TNFRSF13B: variants seen among roughly 807,000 people sequenced by gnomAD.
TNFRSF13B encodes the protein TNF receptor superfamily member 13B, also known as tumor necrosis factor receptor superfamily member 13B.
A neutral mutation model predicts 24.0 loss-of-function variants in TNFRSF13B; 34 were observed. The ratio of observed to expected loss-of-function variants is 1.41; its 90% CI spans 1.08 to 1.88. The LOEUF is 1.88. Ranked by LOEUF, TNFRSF13B falls within the 40% of genes most tolerant of loss-of-function variation. The probability of loss-of-function intolerance (pLI) is 0.00; values close to 1 mark genes in which losing one functional copy is unlikely to be tolerated. For missense variants in TNFRSF13B, 415 were observed against 380.8 expected, an observed-to-expected ratio of 1.09 and a Z score of -0.75; for synonymous variants, 173 against 150.3, an observed-to-expected ratio of 1.15 and a Z score of -1.10.
At chr17:16,939,911 C>A in intron 4 of TNFRSF13B, 114 bp from the exon 5 acceptor site, 1 of 1,374,872 alleles carries the variant, frequency 7.3e-7, no homozygotes, top group Non-Finnish European at 9.6e-7. Flanking sequence ...CAATCACCAG[C>A]GTAGAACGCC....
intron 1 of TNFRSF13B, among the ~76,000 whole-genome samples, chr17:16,967,750 T>TTAAAAAAAAAAAAAAAAAAAAAAAA (rs1567657162): frequency 1.0e-4 from 2 of 19,380 alleles, no homozygotes; most frequent in African/African-American, 5.3e-4. Flanking sequence ...AGACTCCGTC[T>TTAAAAAAAAAAAAAAAAAAAAAAAA]CAAAAAAAAA....
intron 3 of TNFRSF13B, among the ~76,000 whole-genome samples, chr17:16,947,213 T>C (rs2087555891): frequency 6.6e-6 from 1 of 152,180 alleles, no homozygotes; most frequent in African/African-American, 2.4e-5. Flanking sequence ...CAAGATGGAT[T>C]ACAGATTTAA....
chr17:16,948,801 T>G lies in TNFRSF13B; in HGVS notation c.382A>C (p.Asn128His), dbSNP rs1268053274. Residue 128 changes from asparagine to histidine, a missense_variant, in exon 3 of 5, where the codon AAC becomes CAC. Transcript: ENST00000261652. ...LRRQRSGEVE[N>H]NSDNSGRYQG... ...TACCTTCCCGAGTTGTCTGAATTGT[T>G]TTCAACTTCTCCACTCCGCTGTCTC... 1 of 1,614,248 alleles carries G rather than the reference T, an allele frequency of 6.2e-7. No homozygotes were observed. The highest frequency in any genetic ancestry group is 8.5e-7 in the Non-Finnish European group (1 of 1,180,048).
intron 3 of TNFRSF13B, chr17:16,941,376 G>A: frequency 1.0e-6 from 1 of 987,662 alleles, no homozygotes; most frequent in Non-Finnish European, 1.2e-6. Flanking sequence ...TCCAGGTTTG[G>A]ATGCCAGAGA....
intron 1 of TNFRSF13B, 100 bp from the exon 2 acceptor site, chr17:16,952,683 A>C (rs2087598310): frequency 6.4e-7 from 1 of 1,563,610 alleles, no homozygotes; most frequent in Non-Finnish European, 8.7e-7. Flanking sequence ...ACATTCGCAC[A>C]GACAACCTTT....
chr17:16,949,677 A>G lies in TNFRSF13B; in HGVS notation c.200-694T>C, dbSNP rs906604750. ...CAATTATCTTATCTAAAGTCTCAGA[A>G]TATTTCTAATTTTTTTTTTTTTTTT... On this transcript the variant is annotated intron_variant, in intron 2 of 4. Transcript: ENST00000261652. Among the ~76,000 whole-genome samples, 3 of 150,894 alleles carry G rather than the reference A, an allele frequency of 2.0e-5. No individual in the cohort carries two copies. The Admixed American group carries it at 2.0e-4, about 10-fold the overall frequency.
intron 2 of TNFRSF13B, among the ~76,000 whole-genome samples, chr17:16,950,268 C>T (rs1041740932): frequency 6.6e-6 from 1 of 152,210 alleles, no homozygotes; most frequent in Non-Finnish European, 1.5e-5. Flanking sequence ...GTCTTAGCCT[C>T]TCCGTGCCTC....
At chr17:16,945,545 C>A (rs147520947) in intron 3 of TNFRSF13B, among the ~76,000 whole-genome samples, 97 of 152,306 alleles carry the variant, frequency 6.4e-4, no homozygotes, top group African/African-American at 2.2e-3. Context: ...CTAGGAATGA[C>A]CCACGGGGGA....
intron 1 of TNFRSF13B, among the ~76,000 whole-genome samples, chr17:16,963,652 T>C (rs2087679066): frequency 6.6e-6 from 1 of 152,108 alleles, no homozygotes; most frequent in Non-Finnish European, 1.5e-5. Context: ...TGGGTTCACG[T>C]CATTCTCCTG....
At chr17:16,950,264 G>A (rs915582937) in intron 2 of TNFRSF13B, among the ~76,000 whole-genome samples, 3 of 152,192 alleles carry the variant, frequency 2.0e-5, no homozygotes, top group Admixed American at 2.0e-4. Flanking sequence ...TGTGGTCTTA[G>A]CCTCTCCGTG....
chr17:16,951,423 C>A (rs569288292), intron 2 of TNFRSF13B, among the ~76,000 whole-genome samples: 1 of 152,296 alleles, frequency 6.6e-6, no homozygotes, highest in African/African-American at 2.4e-5. Context: ...AAAAGAACAG[C>A]AAGCAACGAA....
At position 16,940,078 on chromosome 17, in the gene TNFRSF13B, T is replaced by A. The variant is rs1038676188; in HGVS notation, c.631+248A>T. On this transcript the variant is annotated intron_variant, in intron 4 of 4. Coordinates refer to ENST00000261652, the MANE Select transcript of TNFRSF13B (RefSeq NM_012452.3). ...TGGGCTTAGCCCTGAAGGCTCTGCATCTGGAGAATCCTGGGCCCAGGCAAA... is the reference window on the plus strand; with the variant it reads ...TGGGCTTAGCCCTGAAGGCTCTGCAACTGGAGAATCCTGGGCCCAGGCAAA... The A allele has an allele frequency of 6.3e-6, 7 of 1,116,496 alleles. No homozygotes were observed. In the African/African-American group the frequency reaches 1.1e-4, roughly 18 times the overall value. The allele number at this position is 1,116,496 out of a possible 1,614,324, so 69.2% of individuals were successfully genotyped here. A position where few individuals can be genotyped will look rare whatever the true frequency, so the allele number is the denominator to read the frequency against.
intron 2 of TNFRSF13B, among the ~76,000 whole-genome samples, chr17:16,951,793 A>C (rs2087590456): frequency 6.6e-6 from 1 of 152,148 alleles, no homozygotes; most frequent in East Asian, 1.9e-4. Context: ...GAGGCTGAGG[A>C]GGGAGAATCA....
chr17:16,962,514 A>C lies in TNFRSF13B; in HGVS notation c.61+9501T>G, dbSNP rs575537630. Among the ~76,000 whole-genome samples, 686 of 150,272 alleles carry C rather than the reference A, an allele frequency of 4.6e-3. 7 individuals are homozygous for C. Among genetic ancestry groups the C allele is most frequent in the African/African-American group, 0.015 (606 of 41,120 alleles). ...AGAGTGAGACTCGGTCTCCCCCCCCAAAAAAAAAGAAAGAAAAAAAAAAGA... is the reference window on the plus strand; with the variant it reads ...AGAGTGAGACTCGGTCTCCCCCCCCCAAAAAAAAGAAAGAAAAAAAAAAGA... On this transcript the variant is annotated intron_variant, in intron 1 of 4. Coordinates refer to ENST00000261652, the MANE Select transcript of TNFRSF13B (RefSeq NM_012452.3).
chr17:16,944,598 C>T (rs945931440), intron 3 of TNFRSF13B, among the ~76,000 whole-genome samples: 4 of 152,118 alleles, frequency 2.6e-5, no homozygotes, highest in East Asian at 1.9e-4. Flanking sequence ...ACGTGGCTCC[C>T]GTGCACTGAG....
At chr17:16,960,992 C>T (rs34932194) in intron 1 of TNFRSF13B, among the ~76,000 whole-genome samples, 5,533 of 152,226 alleles carry the variant, frequency 0.036, 126 homozygotes, top group South Asian at 0.11. Context: ...TCAACAAGCA[C>T]AAGAAAAGAT....
intron 2 of TNFRSF13B, among the ~76,000 whole-genome samples, chr17:16,949,893 C>T (rs1257440037): frequency 1.3e-5 from 2 of 151,968 alleles, no homozygotes; most frequent in South Asian, 2.1e-4. Context: ...GCCGTGTTGG[C>T]CAGGCTGGTC....
At chr17:16,963,573 G>A (rs1047950668) in intron 1 of TNFRSF13B, among the ~76,000 whole-genome samples, 14 of 151,804 alleles carry the variant, frequency 9.2e-5, no homozygotes, top group Non-Finnish European at 1.5e-4. Context: ...TTTTCGAGAC[G>A]GAGTCTGGCA....
chr17:16,962,109 T>C (rs4985734), intron 1 of TNFRSF13B, among the ~76,000 whole-genome samples: 11,137 of 152,258 alleles, frequency 0.073, 1,317 homozygotes, highest in African/African-American at 0.25. Context: ...AGTGAGGATG[T>C]CTGACCAACT....
Sources: gnomAD v4.1 joint callset for allele counts (sites outside exome capture counted in the v4.1 genomes callset) on GRCh38, gnomAD v4.1.1 for gene constraint, MANE v1.5 for transcripts, NCBI Gene and HGNC (gene_info 2026-07-23, HGNC 2026-07-21) for gene names.